Variants in LRRC4C observed in about 807,000 individuals in gnomAD.
The protein encoded by LRRC4C is leucine rich repeat containing 4C.
A neutral mutation model predicts 33.6 loss-of-function variants in LRRC4C; 5 were observed. That is an observed-to-expected ratio of 0.15 (90% confidence interval 0.08 to 0.31). The LOEUF is 0.31. Among genes scored for constraint, LRRC4C ranks in the 10% least tolerant of loss-of-function variants. The pLI, the probability that LRRC4C is intolerant of heterozygous loss-of-function variation, is 1.00. For synonymous variants in LRRC4C, 329 were observed against 302.0 expected, an observed-to-expected ratio of 1.09 and a Z score of -0.93; for missense variants, 560 against 796.7, an observed-to-expected ratio of 0.70 and a Z score of 3.58.
rs1867530619 is a variant in LRRC4C at position 40,259,698 on chromosome 11, G to C, written c.-175-18100C>G. Among the ~76,000 whole-genome samples, 3 of 152,006 alleles carry C rather than the reference G, an allele frequency of 2.0e-5. No individual in the cohort carries two copies. The South Asian group carries it at 6.2e-4, about 32-fold the overall frequency. On this transcript the variant is annotated intron_variant, in intron 4 of 6. Transcript: ENST00000528697. ...TTTCCCCATTTCTTGTTTTTCTCAG[G>C]TTTGTCAAAGATCAGATAGTTGTAG...
At chr11:41,289,198 A>G (rs1949923132) in intron 1 of LRRC4C, among the ~76,000 whole-genome samples, 1 of 152,212 alleles carries the variant, frequency 6.6e-6, no homozygotes, top group Admixed American at 6.5e-5. Flanking sequence ...ATGAGAAAAT[A>G]TATCTCTTAT....
intron 1 of LRRC4C, among the ~76,000 whole-genome samples, chr11:41,310,614 A>C (rs1950618398): frequency 6.6e-6 from 1 of 152,252 alleles, no homozygotes; most frequent in Non-Finnish European, 1.5e-5. Context: ...CTTGGCTCTT[A>C]ACAAGTAATC....
At chr11:41,256,947 A>T (rs951573710) in intron 1 of LRRC4C, among the ~76,000 whole-genome samples, 2 of 152,006 alleles carry the variant, frequency 1.3e-5, no homozygotes, top group Admixed American at 1.3e-4. Flanking sequence ...AACATGCAAG[A>T]TGATCATAGG....
intron 1 of LRRC4C, among the ~76,000 whole-genome samples, chr11:41,135,274 G>T (rs561332322): frequency 1.3e-5 from 2 of 152,050 alleles, no homozygotes; most frequent in Non-Finnish European, 2.9e-5. Flanking sequence ...TCAGGCTTCA[G>T]CAATCAAGAA....
At chr11:40,268,649 G>A (rs1053354667) in intron 4 of LRRC4C, among the ~76,000 whole-genome samples, 2 of 151,226 alleles carry the variant, frequency 1.3e-5, no homozygotes, top group South Asian at 2.1e-4. Flanking sequence ...CCGTAGCACT[G>A]GTAAAAAAAA....
chr11:40,829,850 T>C (rs1166009430), intron 2 of LRRC4C, among the ~76,000 whole-genome samples: 1 of 152,000 alleles, frequency 6.6e-6, no homozygotes, highest in Non-Finnish European at 1.5e-5. Context: ...TCGTCCTATA[T>C]TGAAAAGCAA....
chr11:40,572,265 G>C (rs1241192758), intron 3 of LRRC4C, among the ~76,000 whole-genome samples: 2 of 152,190 alleles, frequency 1.3e-5, no homozygotes, highest in Non-Finnish European at 2.9e-5. Context: ...GCCTGGGATA[G>C]ATACTAAGGT....
intron 1 of LRRC4C, among the ~76,000 whole-genome samples, chr11:41,245,526 G>C (rs538560271): frequency 6.6e-6 from 1 of 152,190 alleles, no homozygotes; most frequent in Non-Finnish European, 1.5e-5. Flanking sequence ...CTGGCACTGG[G>C]GAACACGGTG....
chr11:40,176,047 T>C (rs1860455260), intron 5 of LRRC4C, among the ~76,000 whole-genome samples: 1 of 152,144 alleles, frequency 6.6e-6, no homozygotes, highest in Non-Finnish European at 1.5e-5. Flanking sequence ...ACAAGAGCTA[T>C]TCCAGCAATA....
At chr11:41,444,965 G>T (rs542416615) in intron 1 of LRRC4C, among the ~76,000 whole-genome samples, 1 of 151,938 alleles carries the variant, frequency 6.6e-6, no homozygotes, top group Admixed American at 6.6e-5. Flanking sequence ...CACCACGCCC[G>T]GCTAATTTTG....
At chr11:41,183,322 T>G (rs1198205869) in intron 1 of LRRC4C, among the ~76,000 whole-genome samples, 2 of 152,180 alleles carry the variant, frequency 1.3e-5, no homozygotes, top group Non-Finnish European at 1.5e-5. Context: ...CTGCTGCCTA[T>G]GAGCCTGTAA....
intron 1 of LRRC4C, among the ~76,000 whole-genome samples, chr11:41,334,646 A>C (rs575759314): frequency 6.6e-6 from 1 of 152,094 alleles, no homozygotes; most frequent in African/African-American, 2.4e-5. Flanking sequence ...AGTCCGGGTA[A>C]AAAGTGAGAC....
intron 1 of LRRC4C, among the ~76,000 whole-genome samples, chr11:41,089,800 A>G (rs1009697868): frequency 2.0e-5 from 3 of 152,046 alleles, no homozygotes; most frequent in Non-Finnish European, 4.4e-5. Flanking sequence ...TTATGTCGAA[A>G]CGATAATAGA....
At chr11:40,426,114 A>G (rs975303983) in intron 3 of LRRC4C, among the ~76,000 whole-genome samples, 1 of 151,346 alleles carries the variant, frequency 6.6e-6, no homozygotes, top group African/African-American at 2.4e-5. Flanking sequence ...CCTGGGTTCA[A>G]GTGATTCTCC....
intron 2 of LRRC4C, among the ~76,000 whole-genome samples, chr11:40,681,346 C>G (rs1424142738): frequency 6.6e-6 from 1 of 152,168 alleles, no homozygotes; most frequent in African/African-American, 2.4e-5. Flanking sequence ...CCTTTGAAAA[C>G]TGTCTGCCCC....
At chr11:41,061,930 A>G (rs1937802621) in intron 1 of LRRC4C, among the ~76,000 whole-genome samples, 1 of 152,208 alleles carries the variant, frequency 6.6e-6, no homozygotes, top group African/African-American at 2.4e-5. Flanking sequence ...CATAGAAAGC[A>G]GTGTGAGGTG....
intron 2 of LRRC4C, among the ~76,000 whole-genome samples, chr11:40,864,294 C>G (rs1954246752): frequency 6.6e-6 from 1 of 152,050 alleles, no homozygotes; most frequent in African/African-American, 2.4e-5. Flanking sequence ...GTCTTGAACT[C>G]CTGACCACAG....
intron 2 of LRRC4C, among the ~76,000 whole-genome samples, chr11:40,872,385 G>A (rs1591954879): frequency 6.6e-6 from 1 of 151,752 alleles, no homozygotes; most frequent in African/African-American, 2.4e-5. Flanking sequence ...CAGTTTATGA[G>A]CTCATTATTG....
intron 3 of LRRC4C, among the ~76,000 whole-genome samples, chr11:40,525,687 A>G (rs1289878318): frequency 6.6e-6 from 1 of 152,146 alleles, no homozygotes; most frequent in Non-Finnish European, 1.5e-5. Context: ...AAAACATTTT[A>G]TGCAGTCAAT....
Sources: allele counts gnomAD v4.1 joint callset (sites outside exome capture counted in the v4.1 genomes callset), GRCh38; gene constraint gnomAD v4.1.1; transcripts MANE v1.5; gene names NCBI Gene and HGNC (gene_info 2026-07-23, HGNC 2026-07-21).